Variants in BANK1 observed in about 807,000 individuals in gnomAD.
BANK1 encodes the protein B cell scaffold protein with ankyrin repeats 1, also known as B-cell scaffold protein with ankyrin repeats.
In BANK1, 95 loss-of-function variants were observed where a neutral mutation model predicts 94.5. The ratio of observed to expected loss-of-function variants is 1.00; its 90% CI spans 0.85 to 1.19. The LOEUF (loss-of-function observed/expected upper bound fraction) is 1.19, where lower values mean the gene tolerates loss of function less well. BANK1 is among the 50% of genes most tolerant of loss of function. BANK1 has a pLI of 0.00. For missense variants in BANK1, 987 were observed against 932.2 expected, an observed-to-expected ratio of 1.06 and a Z score of -0.77; for synonymous variants, 334 against 308.4, an observed-to-expected ratio of 1.08 and a Z score of -0.87.
chr4:102,057,660 G>C (rs1284086718), intron 11 of BANK1, among the ~76,000 whole-genome samples: 1 of 152,092 alleles, frequency 6.6e-6, no homozygotes, highest in Non-Finnish European at 1.5e-5. Flanking sequence ...TTACTGAAAA[G>C]TTCTTTCCAA....
chr4:101,993,286 C>T (rs1218993683), intron 7 of BANK1, among the ~76,000 whole-genome samples: 1 of 152,204 alleles, frequency 6.6e-6, no homozygotes, highest in East Asian at 1.9e-4. Context: ...ATCGTTTTCT[C>T]ATACTTTCTG....
chr4:102,030,624 A>G (rs1299966862), intron 10 of BANK1, among the ~76,000 whole-genome samples: 1 of 141,550 alleles, frequency 7.1e-6, no homozygotes, highest in Non-Finnish European at 1.5e-5. Flanking sequence ...TGATATTCAT[A>G]TTCCCCACCC....
intron 7 of BANK1, among the ~76,000 whole-genome samples, chr4:101,937,753 G>A (rs1205220663): frequency 6.6e-6 from 1 of 151,880 alleles, no homozygotes; most frequent in Non-Finnish European, 1.5e-5. Context: ...ATACCCAGAG[G>A]ATTATAAATC....
intron 11 of BANK1, among the ~76,000 whole-genome samples, chr4:102,058,790 A>G (rs1728318187): frequency 6.6e-6 from 1 of 151,522 alleles, no homozygotes; most frequent in Non-Finnish European, 1.5e-5. Flanking sequence ...TTGAATGGAA[A>G]TGGTGAGAAG....
intron 3 of BANK1, among the ~76,000 whole-genome samples, chr4:101,855,636 C>T (rs1245833379): frequency 6.6e-6 from 1 of 152,166 alleles, no homozygotes; most frequent in African/African-American, 2.4e-5. Context: ...ATTGCAATAG[C>T]TCTCAAGCTA....
intron 11 of BANK1, among the ~76,000 whole-genome samples, chr4:102,052,113 CTTTTTTTTTT>C (rs199811166): frequency 0.058 from 6,020 of 104,384 alleles, 180 homozygotes; most frequent in Non-Finnish European, 0.082. Flanking sequence ...TTCTTTTTTT[CTTTTTTTTTT>C]TTTTTTTTTT....
At chr4:101,820,391 G>A (rs1379190102) in intron 1 of BANK1, among the ~76,000 whole-genome samples, 1 of 152,192 alleles carries the variant, frequency 6.6e-6, no homozygotes, top group South Asian at 2.1e-4. Context: ...ACCAGTGAGG[G>A]ATGTTGGCAT....
At position 101,830,212 on chromosome 4, in the gene BANK1, G is replaced by A. The variant is rs943298789; in HGVS notation, c.469+6G>A. ...CCAGAGTATCATATTCAAAGGTAGT[G>A]TTGCCAAACCTTGTTTGTTTTATTT... On this transcript the variant is annotated splice_donor_region_variant and intron_variant, in intron 2 of 16. Transcript: ENST00000322953. The A allele has an allele frequency of 1.4e-6, 2 of 1,462,628 alleles. No individual in the cohort carries two copies. Among genetic ancestry groups the A allele is most frequent in the Non-Finnish European group, 1.8e-6 (2 of 1,108,912 alleles). The allele number at this position is 1,462,628 out of a possible 1,614,324, so 90.6% of individuals were successfully genotyped here. A position where few individuals can be genotyped will look rare whatever the true frequency, so the allele number is the denominator to read the frequency against.
intron 7 of BANK1, among the ~76,000 whole-genome samples, chr4:102,008,906 G>A (rs1726393862): frequency 6.6e-6 from 1 of 152,190 alleles, no homozygotes; most frequent in Non-Finnish European, 1.5e-5. Flanking sequence ...TAGCTCTTGT[G>A]CAAGCAAGTT....
intron 1 of BANK1, among the ~76,000 whole-genome samples, chr4:101,806,306 A>G (rs190220021): frequency 4.0e-5 from 6 of 151,260 alleles, no homozygotes; most frequent in African/African-American, 1.2e-4. Context: ...TCAATATTTT[A>G]GTTTTGCTCT....
rs186026177 is a variant in BANK1, at chr4:101,993,205, T to C, written c.1207-28309T>C. On this transcript the variant is annotated intron_variant, in intron 7 of 16. Coordinates refer to ENST00000322953, the MANE Select transcript of BANK1 (RefSeq NM_017935.5). Reference sequence around the variant, plus strand: ...GTGGCTGTAAGTATGCATGTCTGCATGCTCTAGTTTTGAAAGAAATGGGAA... The same window carrying C: ...GTGGCTGTAAGTATGCATGTCTGCACGCTCTAGTTTTGAAAGAAATGGGAA... 8.8e-4 allele frequency among the ~76,000 whole-genome samples: 134 copies of C among 152,306 alleles called. 1 individual carries two copies. Among genetic ancestry groups the C allele is most frequent in the African/African-American group, 3.1e-3 (127 of 41,568 alleles).
chr4:101,977,859 T>C (rs549082018), intron 7 of BANK1, among the ~76,000 whole-genome samples: 26 of 152,326 alleles, frequency 1.7e-4, no homozygotes, highest in Non-Finnish European at 2.6e-4. Flanking sequence ...TGCATGAAGA[T>C]GTATACTCAC....
chr4:102,045,372 A>T (rs1015557281), intron 11 of BANK1, among the ~76,000 whole-genome samples: 2 of 152,170 alleles, frequency 1.3e-5, no homozygotes, highest in African/African-American at 4.8e-5. Context: ...TCCCTTTGAA[A>T]ACTGGCACAA....
At chr4:102,031,312 A>G (rs1374454094) in intron 10 of BANK1, among the ~76,000 whole-genome samples, 4 of 152,006 alleles carry the variant, frequency 2.6e-5, no homozygotes, top group Non-Finnish European at 4.4e-5. Flanking sequence ...AAATTTGTTT[A>G]AGTTCTTTGT....
At chr4:101,974,779 C>T (rs927483485) in intron 7 of BANK1, among the ~76,000 whole-genome samples, 4 of 122,472 alleles carry the variant, frequency 3.3e-5, no homozygotes, top group Non-Finnish European at 5.3e-5. Flanking sequence ...GAAACCCCAT[C>T]TTTACTAAAA....
At chr4:101,917,912 A>G in intron 6 of BANK1, 81 bp from the exon 7 acceptor site, 1 of 969,222 alleles carries the variant, frequency 1.0e-6, no homozygotes, top group Non-Finnish European at 1.5e-6. Flanking sequence ...AATTACTTTT[A>G]GGAGCAGATT....
intron 7 of BANK1, among the ~76,000 whole-genome samples, chr4:101,948,748 TAAGA>T (rs1185932448): frequency 6.6e-6 from 1 of 152,120 alleles, no homozygotes; most frequent in African/African-American, 2.4e-5. Context: ...TACTAATGTG[TAAGA>T]AACATCCCAA....
intron 6 of BANK1, among the ~76,000 whole-genome samples, chr4:101,906,827 G>T (rs1218230712): frequency 6.6e-6 from 1 of 152,056 alleles, no homozygotes; most frequent in Non-Finnish European, 1.5e-5. Context: ...CATCAACTTG[G>T]ATTCGAGCCC....
At position 101,829,878 on chromosome 4, in the gene BANK1, A is replaced by C; in HGVS notation, c.141A>C (p.Val47=). 1 of 1,612,222 alleles carries C rather than the reference A, an allele frequency of 6.2e-7. No homozygotes were observed. Among genetic ancestry groups the C allele is most frequent in the East Asian group, 2.2e-5 (1 of 44,822 alleles). Residue 47 remains valine (V), a synonymous_variant, in exon 2 of 17, where the codon GTA becomes GTC. Transcript: ENST00000322953. ...AEEWALYLTE[V]FLHVVKREAI... Reference sequence around the variant, plus strand: ...AATGGGCTCTGTACTTGACAGAAGTATTTTTACATGTTGTGAAAAGGGAAG... The same window carrying C: ...AATGGGCTCTGTACTTGACAGAAGTCTTTTTACATGTTGTGAAAAGGGAAG...
Sources: allele counts gnomAD v4.1 joint callset (sites outside exome capture counted in the v4.1 genomes callset), GRCh38; gene constraint gnomAD v4.1.1; transcripts MANE v1.5; gene names NCBI Gene and HGNC (gene_info 2026-07-23, HGNC 2026-07-21).